ITGA8: variants seen among roughly 807,000 people sequenced by gnomAD.
ITGA8 encodes the protein integrin subunit alpha 8, also known as integrin alpha-8.
In ITGA8, 91 loss-of-function variants were observed where a neutral mutation model predicts 142.3. That is an observed-to-expected ratio of 0.64 (90% CI 0.54 to 0.76). The LOEUF is 0.76. ITGA8 is among the 30% of genes least tolerant of loss of function. ITGA8 has a pLI of 0.00. For missense variants in ITGA8, 1,406 were observed against 1,327.7 expected, an observed-to-expected ratio of 1.06 and a Z score of -0.92; for synonymous variants, 505 against 485.2, an observed-to-expected ratio of 1.04 and a Z score of -0.54.
intron 8 of ITGA8, among the ~76,000 whole-genome samples, chr10:15,669,663 G>C (rs1834470788): frequency 6.6e-6 from 1 of 152,118 alleles, no homozygotes; most frequent in South Asian, 2.1e-4. Flanking sequence ...TTTGGTCTTT[G>C]ATGATGGTGA....
At chr10:15,566,604 A>G (rs2131577084) in intron 25 of ITGA8, among the ~76,000 whole-genome samples, 1 of 151,896 alleles carries the variant, frequency 6.6e-6, no homozygotes, top group Non-Finnish European at 1.5e-5. Flanking sequence ...TGAGCTCAGG[A>G]GTTTGAGACC....
At chr10:15,652,210 T>A (rs1413112010) in intron 11 of ITGA8, among the ~76,000 whole-genome samples, 1 of 152,250 alleles carries the variant, frequency 6.6e-6, no homozygotes, top group East Asian at 1.9e-4. Flanking sequence ...AAAAGTACTA[T>A]AAACATTCTC....
chr10:15,704,387 T>C (rs1359440821), intron 2 of ITGA8, among the ~76,000 whole-genome samples: 1 of 152,228 alleles, frequency 6.6e-6, no homozygotes, highest in Non-Finnish European at 1.5e-5. Context: ...TGCTACATTG[T>C]CCAGAGTTGT....
At chr10:15,605,505 T>C (rs1190206166) in intron 19 of ITGA8, among the ~76,000 whole-genome samples, 2 of 152,074 alleles carry the variant, frequency 1.3e-5, no homozygotes, top group Non-Finnish European at 2.9e-5. Flanking sequence ...TGCTGAAAGA[T>C]GAAACGACCC....
chr10:15,597,273 G>A lies in ITGA8; in HGVS notation c.2145C>T (p.Tyr715=). 6.2e-7 allele frequency: 1 copy of A among 1,613,996 alleles called. No homozygotes were observed. Among genetic ancestry groups the A allele is most frequent in the Non-Finnish European group, 8.5e-7 (1 of 1,179,928 alleles). Residue 715 remains tyrosine (Y), a synonymous_variant, in exon 21 of 30, where the codon TAC becomes TAT. Transcript: ENST00000378076. ...CCATCCTGGTTACATTTTCCATCTTGTACTCACAGCTCAGTGGTCGAAATC... is the reference window on the plus strand; with the variant it reads ...CCATCCTGGTTACATTTTCCATCTTATACTCACAGCTCAGTGGTCGAAATC... ...NKGFRPLSCE[Y]KMENVTRMVV... is the part of the protein sequence containing the mutation.
chr10:15,707,868 G>T (rs764603037), intron 2 of ITGA8, among the ~76,000 whole-genome samples: 14 of 151,092 alleles, frequency 9.3e-5, no homozygotes, highest in Non-Finnish European at 1.8e-4. Flanking sequence ...TAATCAGTTT[G>T]TGTTGTTTAA....
Position 15,660,896 on chromosome 10 carries a change from C to T in ITGA8, c.874G>A (p.Ala292Thr), listed in dbSNP as rs1199269769. Residue 292 changes from alanine to threonine, a missense_variant, in exon 9 of 30, where the codon GCA becomes ACA. By Grantham distance (58) the Ala-to-Thr change is moderately conservative. Transcript: ENST00000378076. ...QELVAGIPRG[A>T]QNFGYVSIIN... ...GTACTCACATATCCAAAATTCTGTG[C>T]TCCTCTTGGAATTCCAGCAACCAAT... 6.2e-7 allele frequency: 1 copy of T among 1,613,670 alleles called. No homozygotes were observed. Among genetic ancestry groups the T allele is most frequent in the Middle Eastern group, 1.6e-4 (1 of 6,080 alleles).
intron 14 of ITGA8, among the ~76,000 whole-genome samples, chr10:15,614,541 GC>G (rs1211545737): frequency 6.6e-6 from 1 of 152,176 alleles, no homozygotes; most frequent in Non-Finnish European, 1.5e-5. Flanking sequence ...AAACTCAATT[GC>G]AGCCACCCAG....
intron 23 of ITGA8, among the ~76,000 whole-genome samples, chr10:15,579,152 A>C (rs1564360062): frequency 6.6e-6 from 1 of 152,098 alleles, no homozygotes; most frequent in Non-Finnish European, 1.5e-5. Context: ...CATTGAAACC[A>C]ATGTTTTGCT....
intron 15 of ITGA8, among the ~76,000 whole-genome samples, chr10:15,613,456 T>C (rs1219838695): frequency 1.3e-5 from 2 of 152,176 alleles, no homozygotes; most frequent in African/African-American, 2.4e-5. Context: ...CAGCATCATA[T>C]CATAGGTTCT....
intron 27 of ITGA8, among the ~76,000 whole-genome samples, chr10:15,538,047 G>C (rs767295865): frequency 2.0e-5 from 3 of 152,164 alleles, no homozygotes; most frequent in Non-Finnish European, 4.4e-5. Context: ...GCTGAGGTGG[G>C]AGGAACCTGG....
At chr10:15,652,391 G>T (rs1453030400) in intron 11 of ITGA8, among the ~76,000 whole-genome samples, 1 of 151,884 alleles carries the variant, frequency 6.6e-6, no homozygotes, top group Admixed American at 6.6e-5. Context: ...GGTGCTTGTT[G>T]TGTGGCCGTC....
At chr10:15,569,939 T>A (rs1810693252) in intron 25 of ITGA8, among the ~76,000 whole-genome samples, 1 of 152,180 alleles carries the variant, frequency 6.6e-6, no homozygotes, top group Admixed American at 6.5e-5. Context: ...AAAAAATTAT[T>A]TAGCATCATA....
chr10:15,664,673 C>T (rs1410618935), intron 8 of ITGA8, among the ~76,000 whole-genome samples: 6 of 146,226 alleles, frequency 4.1e-5, no homozygotes, highest in Non-Finnish European at 9.0e-5. Flanking sequence ...CCCCTCCCCC[C>T]AACCCACAAC....
At chr10:15,705,630 C>G (rs889539977) in intron 2 of ITGA8, among the ~76,000 whole-genome samples, 1 of 152,124 alleles carries the variant, frequency 6.6e-6, no homozygotes, top group Non-Finnish European at 1.5e-5. Flanking sequence ...TTTCTCTGGT[C>G]CCATATATAG....
At chr10:15,621,212 G>T (rs1833484973) in intron 13 of ITGA8, among the ~76,000 whole-genome samples, 1 of 149,442 alleles carries the variant, frequency 6.7e-6, no homozygotes, top group African/African-American at 2.5e-5. Context: ...AATTAAAATT[G>T]GGTCTTTCCT....
At chr10:15,575,703 T>C in intron 23 of ITGA8, 109 bp from the exon 24 acceptor site, 1 of 789,498 alleles carries the variant, frequency 1.3e-6, no homozygotes, top group Admixed American at 2.1e-5. Context: ...TCAATTTATT[T>C]GAGTAGATAC....
At chr10:15,675,897 G>T (rs1447118957) in intron 6 of ITGA8, among the ~76,000 whole-genome samples, 1 of 152,132 alleles carries the variant, frequency 6.6e-6, no homozygotes, top group Non-Finnish European at 1.5e-5. Flanking sequence ...GCTTGTATAT[G>T]CCATTGCTAT....
chr10:15,548,048 A>G (rs1833711794), intron 27 of ITGA8, among the ~76,000 whole-genome samples: 1 of 151,666 alleles, frequency 6.6e-6, no homozygotes, highest in Non-Finnish European at 1.5e-5. Context: ...TGAAACTTTT[A>G]CATTGAAAAA....
Sources: allele counts gnomAD v4.1 joint callset (sites outside exome capture counted in the v4.1 genomes callset), GRCh38; gene constraint gnomAD v4.1.1; transcripts MANE v1.5; gene names NCBI Gene and HGNC (gene_info 2026-07-23, HGNC 2026-07-21).